RELN: variants seen among roughly 807,000 people sequenced by gnomAD.
The protein encoded by RELN is reelin.
RELN carries 108 observed loss-of-function variants against 427.6 expected under a neutral mutation model. The observed-to-expected ratio is 0.25, with a 90% CI of 0.22 to 0.30. RELN has a LOEUF of 0.30. RELN is among the 10% of genes least tolerant of loss of function. RELN has a pLI of 1.00. For synonymous variants in RELN, 1,524 were observed against 1,513.4 expected (o/e 1.01, Z -0.16); for missense variants, 3,715 against 4,302.8 (o/e 0.86, Z 3.82).
At chr7:103,525,943 A>T (rs554196015) in intron 46 of RELN, among the ~76,000 whole-genome samples, 1 of 152,156 alleles carries the variant, frequency 6.6e-6, no homozygotes, top group Non-Finnish European at 1.5e-5. Context: ...CTACAGATGG[A>T]GCTTCATAAA....
intron 1 of RELN, among the ~76,000 whole-genome samples, chr7:103,969,051 G>A (rs1456002553): frequency 6.6e-6 from 1 of 151,994 alleles, no homozygotes; most frequent in African/African-American, 2.4e-5. Context: ...TCCTAATAAT[G>A]AGTTAATTCC....
rs562057377 is a variant in RELN, at chr7:103,573,621, T to TA, written c.4511+470dup. On this transcript the variant is annotated intron_variant, in intron 30 of 64. Coordinates refer to ENST00000428762, the MANE Select transcript of RELN (RefSeq NM_005045.4). The surrounding 1 kb of genome is among the most constrained non-coding windows in gnomAD (Gnocchi z 4.4). ...GGTGTGCTATTATTTCATTTGATCT[T>TA]AAAAACCAAACAGTTCTTTATTTTA... is the stretch of plus-strand genomic sequence containing the variant. Among the ~76,000 whole-genome samples, 87 of 152,360 alleles carry TA rather than the reference T, an allele frequency of 5.7e-4. No homozygotes were observed. Among genetic ancestry groups the TA allele is most frequent in the African/African-American group, 2.1e-3 (86 of 41,598 alleles).
At chr7:103,493,702 G>T (rs529752369) in intron 57 of RELN, among the ~76,000 whole-genome samples, 1 of 152,110 alleles carries the variant, frequency 6.6e-6, no homozygotes, top group African/African-American at 2.4e-5. Context: ...TATCAAAGAG[G>T]TAGAAGGAGA....
chr7:103,890,271 C>A (rs1439724917), intron 2 of RELN, among the ~76,000 whole-genome samples: 3 of 151,722 alleles, frequency 2.0e-5, no homozygotes, highest in Non-Finnish European at 4.4e-5. Context: ...CAGCTTTGGC[C>A]CAATGTGTCC....
intron 22 of RELN, among the ~76,000 whole-genome samples, chr7:103,610,190 G>A (rs912882666): frequency 2.0e-5 from 3 of 152,094 alleles, no homozygotes; most frequent in Non-Finnish European, 4.4e-5. Flanking sequence ...ACTATCAAAT[G>A]TTTAACTTTC....
intron 2 of RELN, among the ~76,000 whole-genome samples, chr7:103,870,371 T>G (rs1172521555): frequency 1.3e-5 from 2 of 152,022 alleles, no homozygotes; most frequent in Non-Finnish European, 2.9e-5. Context: ...GAGTTTTGAT[T>G]ACTTTTTGGC....
intron 3 of RELN, among the ~76,000 whole-genome samples, chr7:103,830,037 C>T (rs568361243): frequency 3.5e-4 from 41 of 116,248 alleles, no homozygotes; most frequent in Admixed American, 8.7e-4. Flanking sequence ...TATAATGCAC[C>T]ATCAGTTGTA....
At chr7:103,592,356 A>G (rs1026324547) in intron 27 of RELN, among the ~76,000 whole-genome samples, 3 of 152,148 alleles carry the variant, frequency 2.0e-5, no homozygotes, top group Non-Finnish European at 2.9e-5. Flanking sequence ...TGTTGCTATA[A>G]AAGTCATGAT....
At chr7:103,749,293 A>G (rs1341514757) in intron 6 of RELN, 133 bp downstream of exon 6, 5 of 754,634 alleles carry the variant, frequency 6.6e-6, no homozygotes, top group Non-Finnish European at 9.6e-6. Flanking sequence ...GCCCAGTTCC[A>G]TAGCTTAACA....
At chr7:103,907,728 G>T (rs1268675708) in intron 2 of RELN, among the ~76,000 whole-genome samples, 1 of 151,338 alleles carries the variant, frequency 6.6e-6, no homozygotes, top group Non-Finnish European at 1.5e-5. Flanking sequence ...AGCTTTAAAA[G>T]AATATCTGAG....
chr7:103,874,012 T>C (rs1194742708), intron 2 of RELN, among the ~76,000 whole-genome samples: 1 of 144,738 alleles, frequency 6.9e-6, no homozygotes, highest in Non-Finnish European at 1.5e-5. Flanking sequence ...TCCACCATGA[T>C]CAAGTGGGCT....
intron 2 of RELN, among the ~76,000 whole-genome samples, chr7:103,889,658 G>T (rs182704059): frequency 9.9e-5 from 15 of 152,124 alleles, no homozygotes; most frequent in Admixed American, 8.5e-4. Flanking sequence ...ATTGAGAAAG[G>T]GGGGCAGGGC....
intron 6 of RELN, among the ~76,000 whole-genome samples, chr7:103,739,985 C>A (rs1038604077): frequency 2.0e-5 from 3 of 152,262 alleles, no homozygotes; most frequent in Non-Finnish European, 2.9e-5. Context: ...CAAAGCCGGG[C>A]TGTGTGGACT....
At chr7:103,597,511 G>A (rs1258407797) in intron 24 of RELN, among the ~76,000 whole-genome samples, 3 of 152,154 alleles carry the variant, frequency 2.0e-5, no homozygotes, top group Non-Finnish European at 4.4e-5. Flanking sequence ...GCTGAGGCAG[G>A]AGAATCACTT....
At chr7:103,712,884 T>A (rs1425924625) in intron 8 of RELN, among the ~76,000 whole-genome samples, 1 of 152,188 alleles carries the variant, frequency 6.6e-6, no homozygotes, top group Non-Finnish European at 1.5e-5. Flanking sequence ...TTGGGTAGTT[T>A]TTTTTTTATT....
chr7:103,605,792 T>A (rs575699211), intron 22 of RELN, among the ~76,000 whole-genome samples: 2 of 152,322 alleles, frequency 1.3e-5, no homozygotes, highest in South Asian at 2.1e-4. Flanking sequence ...AACAGACTGT[T>A]AAAATTCCGA....
chr7:103,893,023 A>T (rs192022063), intron 2 of RELN, among the ~76,000 whole-genome samples: 1 of 152,288 alleles, frequency 6.6e-6, no homozygotes, highest in Non-Finnish European at 1.5e-5. Context: ...AGGGTCTTCA[A>T]GGGAGACCAA....
At chr7:103,712,080 G>A (rs1374216425) in intron 8 of RELN, among the ~76,000 whole-genome samples, 2 of 152,162 alleles carry the variant, frequency 1.3e-5, no homozygotes, top group African/African-American at 4.8e-5. Context: ...TAACTGGAAT[G>A]TTTCTGTGCT....
chr7:103,738,672 C>CTTTT (rs57390524), intron 6 of RELN, among the ~76,000 whole-genome samples: 63 of 70,524 alleles, frequency 8.9e-4, no homozygotes, highest in African/African-American at 2.2e-3. Context: ...TCCTTCCTTC[C>CTTTT]TTTTTTTTTT....
Sources: gnomAD v4.1 joint callset for allele counts (sites outside exome capture counted in the v4.1 genomes callset) on GRCh38, gnomAD v4.1.1 for gene constraint, Gnocchi (gnomAD v3.1) non-coding constraint, MANE v1.5 for transcripts, NCBI Gene and HGNC (gene_info 2026-07-23, HGNC 2026-07-21) for gene names.